Variants in RAB1A observed in about 807,000 individuals in gnomAD.
The protein encoded by RAB1A is ras-related protein Rab-1A.
A neutral mutation model predicts 26.0 loss-of-function variants in RAB1A; 2 were observed. That is an observed-to-expected ratio of 0.08 (90% CI 0.03 to 0.24). The LOEUF is 0.24. Ranked by LOEUF, RAB1A falls within the 10% of genes least tolerant of loss-of-function variation. RAB1A has a pLI of 1.00. For synonymous variants in RAB1A, 84 were observed against 84.9 expected, an observed-to-expected ratio of 0.99 and a Z score of 0.06; for missense variants, 100 against 247.0, an observed-to-expected ratio of 0.40 and a Z score of 3.99.
intron 1 of RAB1A, among the ~76,000 whole-genome samples, chr2:65,119,387 A>G (rs1198803360): frequency 6.6e-6 from 1 of 151,550 alleles, no homozygotes; most frequent in East Asian, 1.9e-4. Context: ...GGTGCTTGTA[A>G]TCCCAGCTAC....
intron 2 of RAB1A, 64 bp from the exon 3 acceptor site, chr2:65,098,130 G>GA (rs199607937): frequency 0.064 from 44,058 of 684,338 alleles, 1 homozygote; most frequent in East Asian, 0.085. Context: ...AGTCTAAGTG[G>GA]AAAAAAAAAA....
At chr2:65,089,792 C>G (rs144564614) in intron 4 of RAB1A, among the ~76,000 whole-genome samples, 4 of 150,550 alleles carry the variant, frequency 2.7e-5, no homozygotes, top group African/African-American at 9.8e-5. Context: ...AACCTCTGCC[C>G]GCTGGGTTCA....
chr2:65,112,944 G>A (rs1669735778), intron 1 of RAB1A, among the ~76,000 whole-genome samples: 1 of 152,132 alleles, frequency 6.6e-6, no homozygotes, highest in Non-Finnish European at 1.5e-5. Flanking sequence ...ACGGCAGCTT[G>A]TGCCTATTAA....
intron 3 of RAB1A, among the ~76,000 whole-genome samples, chr2:65,097,011 G>A (rs964360243): frequency 6.6e-6 from 1 of 151,556 alleles, no homozygotes; most frequent in Admixed American, 6.6e-5. Flanking sequence ...GGGTTACTTC[G>A]GCCTTTTCCC....
At chr2:65,108,045 A>G (rs1669602896) in intron 1 of RAB1A, among the ~76,000 whole-genome samples, 1 of 137,618 alleles carries the variant, frequency 7.3e-6, no homozygotes, top group Non-Finnish European at 1.6e-5. Flanking sequence ...GCACGGGCAA[A>G]AGAGGAGTCT....
At chr2:65,124,366 G>A (rs1374732880) in intron 1 of RAB1A, among the ~76,000 whole-genome samples, 1 of 152,200 alleles carries the variant, frequency 6.6e-6, no homozygotes, top group Non-Finnish European at 1.5e-5. Flanking sequence ...GAGGCCAGGA[G>A]TTTGAGACCA....
intron 1 of RAB1A, among the ~76,000 whole-genome samples, chr2:65,116,232 A>G (rs1669822894): frequency 6.6e-6 from 1 of 152,220 alleles, no homozygotes; most frequent in African/African-American, 2.4e-5. Context: ...GGGTAGTACC[A>G]AAGGAAGCAG....
At chr2:65,098,733 C>T (rs1334411060) in intron 2 of RAB1A, among the ~76,000 whole-genome samples, 1 of 151,224 alleles carries the variant, frequency 6.6e-6, no homozygotes, top group African/African-American at 2.4e-5. Context: ...TTGGACATTT[C>T]GTATAAATGG....
At position 65,123,404 on chromosome 2, in the gene RAB1A, G is replaced by A. The variant is rs186746242; in HGVS notation, c.23+6489C>T. On this transcript the variant is annotated intron_variant, in intron 1 of 5. Transcript: ENST00000409784. The stretch of plus-strand genomic sequence containing the variant: ...AGGATGGTCTCGATCTCCTGACCTC[G>A]TGATTCGCCCACCTCGGCCTCCCAA... 2.7e-3 allele frequency among the ~76,000 whole-genome samples: 410 copies of A among 151,916 alleles called. 4 individuals carry two copies. Among genetic ancestry groups the A allele is most frequent in the African/African-American group, 8.6e-3 (357 of 41,458 alleles).
chr2:65,099,697 G>A (rs1669373086), intron 2 of RAB1A, among the ~76,000 whole-genome samples: 1 of 152,188 alleles, frequency 6.6e-6, no homozygotes, highest in South Asian at 2.1e-4. Context: ...GCTTACTGAA[G>A]CCTTGAACTC....
intron 1 of RAB1A, among the ~76,000 whole-genome samples, chr2:65,110,434 G>A (rs1428272760): frequency 3.0e-5 from 3 of 98,704 alleles, no homozygotes; most frequent in Admixed American, 1.3e-4. Flanking sequence ...GAGCGAGACC[G>A]TCTCAAAAAA....
chr2:65,096,570 T>A (rs540206717), intron 3 of RAB1A, among the ~76,000 whole-genome samples: 1 of 152,238 alleles, frequency 6.6e-6, no homozygotes, highest in African/African-American at 2.4e-5. Context: ...TAGATCTTTA[T>A]GTGCTCTTTA....
intron 2 of RAB1A, among the ~76,000 whole-genome samples, chr2:65,100,061 G>A (rs572708630): frequency 7.9e-5 from 12 of 152,244 alleles, no homozygotes; most frequent in South Asian, 2.1e-4. Flanking sequence ...AATGGAAACT[G>A]TATTTTGCAG....
intron 1 of RAB1A, among the ~76,000 whole-genome samples, chr2:65,116,223 G>C (rs568033680): frequency 4.6e-5 from 7 of 152,084 alleles, no homozygotes; most frequent in African/African-American, 1.4e-4. Flanking sequence ...AAGAAATTTG[G>C]GTAGTACCAA....
intron 2 of RAB1A, among the ~76,000 whole-genome samples, chr2:65,103,494 G>GTGAA: frequency 6.6e-6 from 1 of 152,126 alleles, no homozygotes; most frequent in Non-Finnish European, 1.5e-5. Flanking sequence ...ATCACCATGA[G>GTGAA]TACAATTTGG....
Position 65,087,322 on chromosome 2 carries a change from T to C in RAB1A, c.*1171A>G, listed in dbSNP as rs1669057901. The C allele has an allele frequency of 6.6e-6, 1 of 152,640 alleles. No homozygotes were observed. The highest frequency in any genetic ancestry group is 1.5e-5 in the Non-Finnish European group (1 of 68,046). 9.5% of individuals were successfully genotyped at this position (152,640 alleles called of 1,614,324 possible). On this transcript the variant is annotated 3_prime_UTR_variant, in exon 6 of 6. Transcript: ENST00000409784. ...TTATCATTACCACCCAGTATTCATG[T>C]TTTAATTTTTAGGGATATAATTTCT...
At position 65,101,992 on chromosome 2, in the gene RAB1A, G is replaced by A. The variant is rs933937027; in HGVS notation, c.96+2742C>T. Among the ~76,000 whole-genome samples, 135 of 151,782 alleles carry A rather than the reference G, an allele frequency of 8.9e-4. 1 individual carries two copies. Among genetic ancestry groups the A allele is most frequent in the Non-Finnish European group, 1.4e-3 (92 of 67,956 alleles). On this transcript the variant is annotated intron_variant, in intron 2 of 5. Coordinates refer to ENST00000409784, the MANE Select transcript of RAB1A (RefSeq NM_004161.5). ...TCGAACTCCTGACCTCAGATGATCCGCCAGCCTCAGCCTCTAAATGCTGGG... is the reference window on the plus strand; with the variant it reads ...TCGAACTCCTGACCTCAGATGATCCACCAGCCTCAGCCTCTAAATGCTGGG...
chr2:65,121,899 C>T (rs1237823753), intron 1 of RAB1A, among the ~76,000 whole-genome samples: 1 of 152,208 alleles, frequency 6.6e-6, no homozygotes, highest in African/African-American at 2.4e-5. Flanking sequence ...TGGCTCACGC[C>T]TGTAATCCTA....
chr2:65,091,121 T>C (rs1244512342), intron 3 of RAB1A, 43 bp from the exon 4 acceptor site: 1 of 1,503,800 alleles, frequency 6.6e-7, no homozygotes, highest in Non-Finnish European at 9.2e-7. Context: ...TCCATTAAAA[T>C]AAAGTTGGGG....
Sources: gnomAD v4.1 joint callset for allele counts (sites outside exome capture counted in the v4.1 genomes callset) on GRCh38, gnomAD v4.1.1 for gene constraint, MANE v1.5 for transcripts, NCBI Gene and HGNC (gene_info 2026-07-23, HGNC 2026-07-21) for gene names.